Variants in PLSCR5 observed in about 807,000 individuals in gnomAD.
PLSCR5 encodes the protein phospholipid scramblase family, member 5.
PLSCR5 carries 44 observed loss-of-function variants against 33.6 expected under a neutral mutation model. That is an observed-to-expected ratio of 1.31 (90% CI 1.03 to 1.69). PLSCR5 has a LOEUF of 1.69. Among genes scored for constraint, PLSCR5 ranks in the 40% most tolerant of loss-of-function variants. The pLI is 0.00. For synonymous variants in PLSCR5, 148 were observed against 112.3 expected (o/e 1.32, Z -2.01); for missense variants, 375 against 318.7 (o/e 1.18, Z -1.34).
intron 4 of PLSCR5, 62 bp from the exon 5 acceptor site, chr3:146,591,943 T>C (rs766235108): frequency 2.4e-5 from 33 of 1,359,406 alleles, no homozygotes; most frequent in African/African-American, 1.6e-4. Flanking sequence ...AATTTTACTA[T>C]AATGTCAATT....
chr3:146,587,371 T>C (rs2044674647), intron 6 of PLSCR5, among the ~76,000 whole-genome samples: 1 of 152,234 alleles, frequency 6.6e-6, no homozygotes, highest in South Asian at 2.1e-4. Context: ...CTGATAAGGT[T>C]TAAAATACAG....
chr3:146,593,017 T>TA (rs1479751118), intron 4 of PLSCR5, among the ~76,000 whole-genome samples: 2 of 152,144 alleles, frequency 1.3e-5, no homozygotes, highest in Non-Finnish European at 2.9e-5. Context: ...TTAGCTTTGA[T>TA]ATATGTTATT....
intron 5 of PLSCR5, 41 bp downstream of exon 5, chr3:146,591,679 C>A: frequency 6.4e-7 from 1 of 1,552,892 alleles, no homozygotes; most frequent in East Asian, 2.3e-5. Context: ...AAAAAAAAAT[C>A]AGGACCTAAA....
At chr3:146,593,025 A>G (rs1267314225) in intron 4 of PLSCR5, among the ~76,000 whole-genome samples, 2 of 152,122 alleles carry the variant, frequency 1.3e-5, no homozygotes, top group Non-Finnish European at 2.9e-5. Flanking sequence ...GATATATGTT[A>G]TTAGAAACTT....
chr3:146,595,771 T>A (rs1056547160), intron 2 of PLSCR5, among the ~76,000 whole-genome samples: 1 of 152,218 alleles, frequency 6.6e-6, no homozygotes, highest in Non-Finnish European at 1.5e-5. Context: ...TCAATTTTTT[T>A]AGAAGACATG....
downstream of PLSCR5, among the ~76,000 whole-genome samples, chr3:146,583,179 C>T (rs2044645080): frequency 6.6e-6 from 1 of 152,172 alleles, no homozygotes; most frequent in African/African-American, 2.4e-5. Context: ...TGTCCCTCTC[C>T]ATTAAACACT....
intron 6 of PLSCR5, among the ~76,000 whole-genome samples, chr3:146,588,517 T>A (rs1014774425): frequency 1.3e-5 from 2 of 151,928 alleles, no homozygotes; most frequent in East Asian, 3.9e-4. Context: ...GCCAATGTCA[T>A]GAGACTCAGG....
At chr3:146,584,044 G>A (rs1314495862), downstream of PLSCR5, among the ~76,000 whole-genome samples, 7 of 152,114 alleles carry the variant, frequency 4.6e-5, no homozygotes, top group African/African-American at 1.7e-4. Flanking sequence ...GGGAAGGGGG[G>A]AAGACAATTT....
Position 146,595,092 on chromosome 3 carries a change from G to T in PLSCR5, c.190-9C>A. Reference sequence around the variant, plus strand: ...ATAATTATCAGGTCTAACTGTAAAGGATGACATAAAAGGAAATAAAAAGTA... The same window carrying T: ...ATAATTATCAGGTCTAACTGTAAAGTATGACATAAAAGGAAATAAAAAGTA... On this transcript the variant is annotated splice_polypyrimidine_tract_variant and intron_variant, in intron 2 of 7. Coordinates refer to ENST00000443512, the MANE Select transcript of PLSCR5 (RefSeq NM_001085420.2). 1 of 1,395,028 alleles carries T rather than the reference G, an allele frequency of 7.2e-7. No individual in the cohort carries two copies. Among genetic ancestry groups the T allele is most frequent in the South Asian group, 1.9e-5 (1 of 53,972 alleles). The allele number at this position is 1,395,028 out of a possible 1,614,324, so 86.4% of individuals were successfully genotyped here.
chr3:146,578,102 GC>G (rs1363155283), intron 7 of PLSCR5, among the ~76,000 whole-genome samples: 1 of 151,996 alleles, frequency 6.6e-6, no homozygotes, highest in African/African-American at 2.4e-5. Context: ...ATTTGGTTAA[GC>G]TAAAATTAAT....
At chr3:146,589,860 T>C in intron 5 of PLSCR5, 46 bp from the exon 6 acceptor site, 1 of 1,349,548 alleles carries the variant, frequency 7.4e-7, no homozygotes, top group Non-Finnish European at 1.0e-6. Flanking sequence ...GTGAAAAAAG[T>C]TGGTTTTATA....
chr3:146,588,131 G>T (rs2044679920), intron 6 of PLSCR5, among the ~76,000 whole-genome samples: 1 of 152,010 alleles, frequency 6.6e-6, no homozygotes, highest in Non-Finnish European at 1.5e-5. Flanking sequence ...GACACAAACT[G>T]AAATTAGGCC....
At chr3:146,578,593 C>A (rs374066456) in intron 7 of PLSCR5, among the ~76,000 whole-genome samples, 1 of 152,038 alleles carries the variant, frequency 6.6e-6, no homozygotes, top group African/African-American at 2.4e-5. Flanking sequence ...AGTTACTTAA[C>A]CTTCCTGAGC....
intron 1 of PLSCR5, among the ~76,000 whole-genome samples, chr3:146,602,901 G>A (rs768173816): frequency 2.5e-4 from 38 of 152,064 alleles, no homozygotes; most frequent in Admixed American, 8.5e-4. Context: ...TTATTTAGGA[G>A]TAGAGTGTGA....
intron 3 of PLSCR5, among the ~76,000 whole-genome samples, chr3:146,594,426 A>G (rs887585536): frequency 1.3e-4 from 20 of 152,274 alleles, no homozygotes; most frequent in African/African-American, 4.8e-4. Context: ...AAATGCTTTA[A>G]AGAATAATTT....
intron 1 of PLSCR5, among the ~76,000 whole-genome samples, chr3:146,601,100 A>G (rs963233338): frequency 1.3e-5 from 2 of 151,366 alleles, no homozygotes; most frequent in Non-Finnish European, 1.5e-5. Context: ...AGAATTCTAT[A>G]AAGTTTGACT....
intron 6 of PLSCR5, 146 bp from the exon 7 acceptor site, chr3:146,586,258 TAA>T (rs1470587687): frequency 4.7e-6 from 4 of 849,640 alleles, no homozygotes; most frequent in Non-Finnish European, 6.5e-6. Flanking sequence ...AAGAAAAATT[TAA>T]AAGTCTTAAG....
chr3:146,594,012 G>A lies in PLSCR5; in HGVS notation c.361C>T (p.Leu121=). ...TFCSTLRSCT[L]RITDNSGREV... is the part of the protein sequence containing the mutation. The stretch of plus-strand genomic sequence containing the variant: ...CGACCTGAGTTATCTGTGATCCTCA[G>A]GGTGCAAGATCGCAGAGTGGAACAG... The change falls in exon 4 of 8, where the codon CTG becomes TTG. Residue 121 remains leucine (L), a synonymous_variant. Transcript: ENST00000443512. 1 of 1,613,844 alleles carries A rather than the reference G, an allele frequency of 6.2e-7. No individual in the cohort carries two copies. Among genetic ancestry groups the A allele is most frequent in the South Asian group, 1.1e-5 (1 of 91,084 alleles).
chr3:146,597,209 C>T (rs1704647227), intron 2 of PLSCR5, among the ~76,000 whole-genome samples: 1 of 151,948 alleles, frequency 6.6e-6, no homozygotes. Flanking sequence ...CTCTAATATC[C>T]AACAATAACA....
Sources: gnomAD v4.1 joint callset for allele counts (sites outside exome capture counted in the v4.1 genomes callset) on GRCh38, gnomAD v4.1.1 for gene constraint, MANE v1.5 for transcripts, NCBI Gene and HGNC (gene_info 2026-07-23, HGNC 2026-07-21) for gene names.